The following HERC4 variants were observed in gnomAD, a reference collection of about 807,000 sequenced individuals.
The protein encoded by HERC4 is probable E3 ubiquitin-protein ligase HERC4.
HERC4 carries 28 observed loss-of-function variants against 124.3 expected under a neutral mutation model. That is an observed-to-expected ratio of 0.23 (90% CI 0.17 to 0.31). HERC4 has a LOEUF of 0.31. Among genes scored for constraint, HERC4 ranks in the 10% least tolerant of loss-of-function variants. HERC4 has a pLI of 1.00. For synonymous variants in HERC4, 407 were observed against 421.5 expected (o/e 0.97, Z 0.42); for missense variants, 713 against 1,229.3 (o/e 0.58, Z 6.28).
At position 67,992,543 on chromosome 10, in the gene HERC4, G is replaced by A. The variant is rs1378941712; in HGVS notation, c.1146+63C>T. ...GTAACATATAAAGAACATTAATAATGGGTTTTTAAAATTTGTCAAAATTAT... is the reference window on the plus strand; with the variant it reads ...GTAACATATAAAGAACATTAATAATAGGTTTTTAAAATTTGTCAAAATTAT... On this transcript the variant is annotated intron_variant, in intron 10 of 24. Coordinates refer to ENST00000373700, the MANE Select transcript of HERC4 (RefSeq NM_015601.4). 3 of 1,113,680 alleles carry A rather than the reference G, an allele frequency of 2.7e-6. No individual in the cohort carries two copies. In the East Asian group the frequency reaches 7.4e-5, roughly 28 times the overall value. 69.0% of individuals were successfully genotyped at this position (1,113,680 alleles called of 1,614,324 possible). A position where few individuals can be genotyped will look rare whatever the true frequency, so the allele number is the denominator to read the frequency against.
At chr10:67,990,724 T>C (rs2036506854) in intron 13 of HERC4, among the ~76,000 whole-genome samples, 180 bp downstream of exon 13, 1 of 152,138 alleles carries the variant, frequency 6.6e-6, no homozygotes, top group South Asian at 2.1e-4. Flanking sequence ...GCTTCAAACA[T>C]CTGAAAAGAT....
intron 16 of HERC4, among the ~76,000 whole-genome samples, chr10:67,963,090 C>G (rs1252636297): frequency 6.6e-6 from 1 of 152,184 alleles, no homozygotes; most frequent in African/African-American, 2.4e-5. Context: ...GGATTTGAAT[C>G]CAGGCACTCT....
chr10:68,034,226 A>G, intron 5 of HERC4, 40 bp from the exon 6 acceptor site: 1 of 1,425,466 alleles, frequency 7.0e-7, no homozygotes, highest in Non-Finnish European at 9.7e-7. Flanking sequence ...TTTTTCTCAC[A>G]TGCAAAAAAT....
At chr10:67,939,436 T>C (rs2032681024) in intron 21 of HERC4, 152 bp downstream of exon 21, 3 of 562,050 alleles carry the variant, frequency 5.3e-6, no homozygotes, top group Admixed American at 3.4e-5. Context: ...GCATGTACTA[T>C]GACTAGCTAG....
intron 4 of HERC4, among the ~76,000 whole-genome samples, chr10:68,041,095 C>T (rs1002883617): frequency 5.3e-5 from 8 of 151,856 alleles, no homozygotes; most frequent in Non-Finnish European, 1.0e-4. Context: ...GCAATATAGG[C>T]AGAAATCAGG....
chr10:67,992,373 T>G (rs370663208), intron 10 of HERC4, 50 bp from the exon 11 acceptor site: 16 of 1,576,586 alleles, frequency 1.0e-5, no homozygotes, highest in African/African-American at 1.4e-5. Context: ...TATATATAAC[T>G]CAAAAACCAA....
At chr10:67,987,666 T>C (rs1254904655) in intron 15 of HERC4, among the ~76,000 whole-genome samples, 1 of 152,050 alleles carries the variant, frequency 6.6e-6, no homozygotes, top group African/African-American at 2.4e-5. Context: ...TCAATCAAAA[T>C]GAAGAGAAAT....
rs957588714 is a variant in HERC4 at position 67,954,747 on chromosome 10, G to A, written c.2194-9C>T. On this transcript the variant is annotated splice_polypyrimidine_tract_variant and intron_variant, in intron 18 of 24. Transcript: ENST00000373700. Reference sequence around the variant, plus strand: ...TCTCCAACAAATATAACCTAAAATAGCACAATGCAAACACCAAATAGACTG... The same window carrying A: ...TCTCCAACAAATATAACCTAAAATAACACAATGCAAACACCAAATAGACTG... 3 of 1,610,766 alleles carry A rather than the reference G, an allele frequency of 1.9e-6. No individual in the cohort carries two copies. Among genetic ancestry groups the A allele is most frequent in the Admixed American group, 3.3e-5 (2 of 59,806 alleles).
chr10:68,013,989 A>C, intron 9 of HERC4, 37 bp downstream of exon 9: 2 of 1,480,574 alleles, frequency 1.4e-6, no homozygotes, highest in Non-Finnish European at 1.8e-6. Flanking sequence ...CAAGAACTTC[A>C]ATATATGAAG....
At chr10:68,006,449 G>A (rs1416163061) in intron 9 of HERC4, among the ~76,000 whole-genome samples, 2 of 149,866 alleles carry the variant, frequency 1.3e-5, no homozygotes, top group Admixed American at 1.3e-4. Flanking sequence ...TCAGCTCACT[G>A]CAACCTCCAC....
intron 9 of HERC4, chr10:67,994,202 T>C (rs1017392803): frequency 6.6e-6 from 1 of 152,214 alleles, no homozygotes; most frequent in African/African-American, 2.4e-5. Context: ...AATAAGCCAA[T>C]TATTCAACCT....
At chr10:68,061,876 A>AT (rs1200065815) in intron 3 of HERC4, among the ~76,000 whole-genome samples, 1 of 98,018 alleles carries the variant, frequency 1.0e-5, no homozygotes, top group African/African-American at 5.1e-5. Context: ...GCGAGACTCC[A>AT]TTTAAAAAAA....
intron 8 of HERC4, among the ~76,000 whole-genome samples, chr10:68,017,491 T>A (rs1440980551): frequency 6.6e-6 from 1 of 152,226 alleles, no homozygotes. Flanking sequence ...GTTTATTTAT[T>A]TATTTTTTTG....
intron 16 of HERC4, chr10:67,958,993 A>T: frequency 1.6e-6 from 1 of 626,720 alleles, no homozygotes. Context: ...TGATACATAT[A>T]TATCTATTTA....
chr10:68,072,963 A>G lies in HERC4; in HGVS notation c.146T>C (p.Val49Ala). ...TGTGTACACTGTTCCATCATCCAGAACAAACACAGTATGTCTGAGTCCACA... is the reference window on the plus strand; with the variant it reads ...TGTGTACACTGTTCCATCATCCAGAGCAAACACAGTATGTCTGAGTCCACA... ...VGCGLRHTVF[V>A]LDDGTVYTCG... The change falls in exon 3 of 25, where the codon GTT (valine) becomes GCT (alanine). Residue 49 changes from valine to alanine, a missense_variant. Val to Ala is a moderately conservative substitution (Grantham distance 64). Transcript: ENST00000373700. The G allele has an allele frequency of 6.2e-7, 1 of 1,614,068 alleles. No individual in the cohort carries two copies. The highest frequency in any genetic ancestry group is 8.5e-7 in the Non-Finnish European group (1 of 1,179,950).
intron 23 of HERC4, among the ~76,000 whole-genome samples, chr10:67,930,053 G>A (rs1485886393): frequency 2.2e-4 from 33 of 151,796 alleles, no homozygotes; most frequent in South Asian, 2.1e-4. Context: ...TGATCTGCCC[G>A]CCTCGGCCTC....
At chr10:68,025,326 T>C (rs2038845193) in intron 8 of HERC4, among the ~76,000 whole-genome samples, 1 of 152,178 alleles carries the variant, frequency 6.6e-6, no homozygotes, top group Non-Finnish European at 1.5e-5. Context: ...ACATATACAC[T>C]ATTAACATCT....
chr10:68,039,315 C>CA (rs5785844), intron 4 of HERC4: 45,132 of 1,092,356 alleles, frequency 0.041, 4 homozygotes, highest in Non-Finnish European at 0.046. Context: ...GACCCTGTCT[C>CA]AAAAAAAAAA....
At chr10:68,070,177 T>TA in intron 3 of HERC4, 4 of 984,916 alleles carry the variant, frequency 4.1e-6, no homozygotes, top group Non-Finnish European at 4.8e-6. Flanking sequence ...AACAACTTTT[T>TA]ATCTTTTAAT....
Sources: allele counts gnomAD v4.1 joint callset (sites outside exome capture counted in the v4.1 genomes callset), GRCh38; gene constraint gnomAD v4.1.1; transcripts MANE v1.5; gene names NCBI Gene and HGNC (gene_info 2026-07-23, HGNC 2026-07-21).